The following ABCC6 variants were observed in gnomAD, a reference collection of about 807,000 sequenced individuals.
The protein encoded by ABCC6 is ATP binding cassette subfamily C member 6, also known as ATP-binding cassette sub-family C member 6.
Under a neutral mutation model 169.5 loss-of-function variants are expected in ABCC6, and 126 were observed. The observed-to-expected ratio is 0.74, with a 90% confidence interval of 0.64 to 0.86. The LOEUF is 0.86. ABCC6 is among the 40% of genes least tolerant of loss of function. ABCC6 has a pLI of 0.00. For synonymous variants in ABCC6, 752 were observed against 814.7 expected (o/e 0.92, Z 1.31); for missense variants, 1,733 against 1,927.2 (o/e 0.90, Z 1.89).
chr16:16,153,472 A>C (rs1401406975), intron 29 of ABCC6, among the ~76,000 whole-genome samples: 2 of 151,754 alleles, frequency 1.3e-5, no homozygotes, highest in Non-Finnish European at 2.9e-5. Flanking sequence ...GCGTCTATGC[A>C]GTGTCTAGAG....
Position 16,159,485 on chromosome 16 carries a change from C to T in ABCC6, c.3732G>A (p.Lys1244=), listed in dbSNP as rs773961518. The change falls in exon 26 of 31, where the codon AAG becomes AAA. Residue 1244 remains lysine, a synonymous_variant. Coordinates refer to ENST00000205557, the MANE Select transcript of ABCC6 (RefSeq NM_001171.6). ...CTCCCCACCTCCCGCCCATCACCTCCTTGGGCGTCCAGGCATAGTCCTGCA... is the reference window on the plus strand; with the variant it reads ...CTCCCCACCTCCCGCCCATCACCTCTTTGGGCGTCCAGGCATAGTCCTGCA... ...ERMQDYAWTP[K]EAPWRLPTCA... 6.2e-6 allele frequency: 10 copies of T among 1,613,936 alleles called. No homozygotes were observed. Among genetic ancestry groups the T allele is most frequent in the Middle Eastern group, 1.6e-4 (1 of 6,062 alleles).
chr16:16,199,248 T>A (rs1413423456), intron 9 of ABCC6, among the ~76,000 whole-genome samples: 1 of 148,008 alleles, frequency 6.8e-6, no homozygotes, highest in African/African-American at 2.5e-5. Context: ...TTAAGACATG[T>A]AAGAGACATC....
intron 9 of ABCC6, among the ~76,000 whole-genome samples, chr16:16,200,862 C>A (rs2048214169): frequency 6.6e-6 from 1 of 151,360 alleles, no homozygotes; most frequent in African/African-American, 2.4e-5. Context: ...CAGGAACGGA[C>A]AAGAGCCACT....
At chr16:16,191,807 C>T (rs2047868881) in intron 11 of ABCC6, among the ~76,000 whole-genome samples, 2 of 151,622 alleles carry the variant, frequency 1.3e-5, no homozygotes, top group Admixed American at 1.3e-4. Context: ...TTCCTCTCCT[C>T]CTTTCCTTCT....
chr16:16,190,109 C>T (rs1042305391), intron 12 of ABCC6, 55 bp downstream of exon 12: 10 of 1,598,176 alleles, frequency 6.3e-6, no homozygotes, highest in African/African-American at 5.4e-5. Flanking sequence ...ACCCTGCCCC[C>T]ACCCCCGCAC....
intron 7 of ABCC6, among the ~76,000 whole-genome samples, chr16:16,203,974 A>G (rs1596720401): frequency 6.6e-6 from 1 of 152,138 alleles, no homozygotes; most frequent in African/African-American, 2.4e-5. Flanking sequence ...GAACTTGCCC[A>G]AGGGCACACA....
At position 16,150,200 on chromosome 16, in the gene ABCC6, C is replaced by A. The variant is rs915093936; in HGVS notation, c.4445G>T (p.Ser1482Ile). ...CTTCTGGGCCAGCAGCTGGGCCGGG[C>A]TGCCGCTCTCTGCCACCTGCCCCTT... The part of the protein sequence containing the change: ...MDKGQVAESG[S>I]PAQLLAQKGL... The change falls in exon 31 of 31, where the codon AGC (serine) becomes ATC (isoleucine). Residue 1482 changes from serine to isoleucine, a missense_variant. Physicochemically the swap from Ser to Ile is moderately radical, Grantham distance 142. Transcript: ENST00000205557. 1 of 1,613,934 alleles carries A rather than the reference C, an allele frequency of 6.2e-7. No individual in the cohort carries two copies. The highest frequency in any genetic ancestry group is 1.3e-5 in the African/African-American group (1 of 75,044).
chr16:16,207,141 A>G (rs567639457), intron 7 of ABCC6, among the ~76,000 whole-genome samples: 4 of 152,292 alleles, frequency 2.6e-5, no homozygotes, highest in African/African-American at 9.6e-5. Context: ...GCCTGGGGTG[A>G]GAGAGAACTG....
chr16:16,162,952 T>C (rs765156150), intron 24 of ABCC6, 41 bp downstream of exon 24: 1 of 1,612,462 alleles, frequency 6.2e-7, no homozygotes. Context: ...TCTAAGGATA[T>C]GGATGAATTG....
Position 16,163,137 on chromosome 16 carries a change from G to A in ABCC6, c.3362C>T (p.Ser1121Leu), listed in dbSNP as rs63750987. ...CTCAGCCATGTGGGAGCAGACAGAC[G>A]AGTAGCTGGCTGACTCCAAGCGTCT... ...QLRRLESASY[S>L]SVCSHMAETF... is the part of the protein sequence containing the mutation. The change falls in exon 24 of 31, where the codon TCG becomes TTG. Residue 1121 changes from serine to leucine, a missense_variant. This residue lies in a region of ABCC6 where 1,601 missense variants were observed against 1,635.5 expected (regional missense o/e 0.98). Transcript: ENST00000205557. 2.5e-6 allele frequency: 4 copies of A among 1,613,786 alleles called. No individual in the cohort carries two copies. The highest frequency in any genetic ancestry group is 1.3e-5 in the African/African-American group (1 of 75,046).
chr16:16,189,044 C>G, intron 12 of ABCC6, 70 bp from the exon 13 acceptor site: 2 of 1,564,324 alleles, frequency 1.3e-6, no homozygotes, highest in East Asian at 2.2e-5. Context: ...CCTGGGCAAG[C>G]TGTGGTGCCT....
In ABCC6 at chr16:16,163,175, G is replaced by A. The variant is rs2046780168; in HGVS notation, c.3324C>T (p.Ser1108=). Reference sequence around the variant, plus strand: ...ACTCCAAGCGTCTCAGCTGGCATGAGCTAACCACATACAGGCTCTGAGAAG... The same window carrying A: ...ACTCCAAGCGTCTCAGCTGGCATGAACTAACCACATACAGGCTCTGAGAAG... ...YAGFQSLYVV[S]SCQLRRLESA... The change falls in exon 24 of 31, where the codon AGC becomes AGT. Residue 1108 remains serine (S), a synonymous_variant. Coordinates refer to ENST00000205557, the MANE Select transcript of ABCC6 (RefSeq NM_001171.6). 1.2e-6 allele frequency: 2 copies of A among 1,613,366 alleles called. No homozygotes were observed. Among genetic ancestry groups the A allele is most frequent in the Non-Finnish European group, 8.5e-7 (1 of 1,180,012 alleles).
chr16:16,221,030 T>C (rs946349986), intron 2 of ABCC6, among the ~76,000 whole-genome samples: 1 of 151,978 alleles, frequency 6.6e-6, no homozygotes, highest in Non-Finnish European at 1.5e-5. Flanking sequence ...TCTCAAATAC[T>C]GTGTACCGCT....
chr16:16,195,081 C>G (rs1249935567), intron 10 of ABCC6, among the ~76,000 whole-genome samples: 1 of 152,062 alleles, frequency 6.6e-6, no homozygotes, highest in African/African-American at 2.4e-5. Flanking sequence ...TAAACACCAG[C>G]CCACAGCAGG....
chr16:16,206,884 C>A (rs111750393), intron 7 of ABCC6, among the ~76,000 whole-genome samples: 2 of 152,198 alleles, frequency 1.3e-5, no homozygotes, highest in Admixed American at 1.3e-4. Flanking sequence ...CATCTGTAAT[C>A]CCAGCACCTT....
In ABCC6 at chr16:16,178,854, C is replaced by CG; in HGVS notation, c.2358dup (p.Val787ArgfsTer35). On this transcript the variant is annotated frameshift_variant, in exon 18 of 31. Transcript: ENST00000205557. LOFTEE classifies it high-confidence loss of function. Reference sequence around the variant, plus strand: ...ACCTGGTTGAAGACATGCTGGCCAACGTGGGCATCCAGGGCCGCCAGGGGG... The same window carrying CG: ...ACCTGGTTGAAGACATGCTGGCCAACGGTGGGCATCCAGGGCCGCCAGGGGG... The CG allele has an allele frequency of 6.2e-7, 1 of 1,613,634 alleles. No homozygotes were observed. The highest frequency in any genetic ancestry group is 8.5e-7 in the Non-Finnish European group (1 of 1,180,036).
chr16:16,150,107 A>C lies in ABCC6; in HGVS notation c.*26T>G. 6.2e-7 allele frequency: 1 copy of C among 1,611,488 alleles called. No individual in the cohort carries two copies. Among genetic ancestry groups the C allele is most frequent in the Non-Finnish European group, 8.5e-7 (1 of 1,179,794 alleles). On this transcript the variant is annotated 3_prime_UTR_variant, in exon 31 of 31. Transcript: ENST00000205557. ...ACTGCAGGCTGTGCGGGCTGGTCCA[A>C]CTGGGGTACGGTTGAGGGTCCTGGC... is the stretch of plus-strand genomic sequence containing the variant.
intron 7 of ABCC6, among the ~76,000 whole-genome samples, chr16:16,207,610 C>T (rs1471793556): frequency 6.6e-6 from 1 of 152,088 alleles, no homozygotes; most frequent in Non-Finnish European, 1.5e-5. Context: ...ACAACTACCA[C>T]AAAATCCCGG....
chr16:16,169,964 A>G (rs1046178491), intron 21 of ABCC6, 111 bp from the exon 22 acceptor site: 5 of 1,075,876 alleles, frequency 4.6e-6, no homozygotes, highest in Non-Finnish European at 6.9e-6. Flanking sequence ...AGATGGGACC[A>G]CCACGCAGAC....
Sources: gnomAD v4.1 joint callset for allele counts (sites outside exome capture counted in the v4.1 genomes callset) on GRCh38, gnomAD v4.1.1 for gene constraint, gnomAD v4.1.1 regional missense constraint, MANE v1.5 for transcripts, NCBI Gene and HGNC (gene_info 2026-07-23, HGNC 2026-07-21) for gene names.